PCDHA10: variants seen among roughly 807,000 people sequenced by gnomAD.
PCDHA10 encodes the protein protocadherin alpha-10.
A neutral mutation model predicts 61.2 loss-of-function variants in PCDHA10; 45 were observed. That is an observed-to-expected ratio of 0.74 (90% CI 0.58 to 0.94). The LOEUF is 0.94. PCDHA10 is among the 40% of genes least tolerant of loss of function. The pLI, the probability that PCDHA10 is intolerant of heterozygous loss-of-function variation, is 0.00. For missense variants in PCDHA10, 1,278 were observed against 1,236.2 expected (o/e 1.03, Z -0.51); for synonymous variants, 602 against 548.8 (o/e 1.10, Z -1.35).
Position 140,952,580 on chromosome 5 carries a change from A to G in PCDHA10, c.2389-26369A>G, listed in dbSNP as rs538999222. ...ATCAGCACTTCGGTCCCAATCATTCAAGTAGTCTCTAGGAAGTTCTAAGCT... is the reference window on the plus strand; with the variant it reads ...ATCAGCACTTCGGTCCCAATCATTCGAGTAGTCTCTAGGAAGTTCTAAGCT... On this transcript the variant is annotated intron_variant, in intron 1 of 3. Transcript: ENST00000307360. Among the ~76,000 whole-genome samples the G allele has an allele frequency of 2.0e-4, 30 of 152,248 alleles. No homozygotes were observed. In the South Asian group the frequency reaches 2.3e-3, roughly 12 times the overall value.
At chr5:140,870,631 C>G (rs1554164498) in intron 1 of PCDHA10, 5 of 1,612,864 alleles carry the variant, frequency 3.1e-6, no homozygotes, top group Middle Eastern at 1.7e-4. Flanking sequence ...CGTGTCGGTG[C>G]ACGCGGAGAG....
intron 1 of PCDHA10, chr5:140,863,708 A>G: frequency 3.5e-6 from 1 of 284,690 alleles, no homozygotes; most frequent in Non-Finnish European, 6.9e-6. Flanking sequence ...TTTAAAGTAC[A>G]CTGGGGCCGG....
chr5:140,981,456 C>G (rs2096933076), intron 2 of PCDHA10, among the ~76,000 whole-genome samples: 1 of 152,054 alleles, frequency 6.6e-6, no homozygotes, highest in African/African-American at 2.4e-5. Flanking sequence ...TGCCTGTAGT[C>G]CCAGCTACTT....
intron 1 of PCDHA10, among the ~76,000 whole-genome samples, chr5:140,874,638 C>A (rs2055040349): frequency 6.6e-6 from 1 of 152,272 alleles, no homozygotes; most frequent in South Asian, 2.1e-4. Context: ...AAGTGCTTTA[C>A]TTTTGCTAGA....
intron 1 of PCDHA10, chr5:140,866,192 G>A (rs2049201997): frequency 6.6e-6 from 1 of 152,028 alleles, no homozygotes; most frequent in Non-Finnish European, 1.5e-5. Context: ...AGAAAACTGT[G>A]GTTTCCAATA....
intron 3 of PCDHA10, among the ~76,000 whole-genome samples, chr5:141,007,395 CAAAAAAA>C (rs35800918): frequency 2.2e-3 from 204 of 94,846 alleles, no homozygotes; most frequent in African/African-American, 7.3e-3. Flanking sequence ...TACTAAAATA[CAAAAAAA>C]AAAAAAAAAA....
intron 2 of PCDHA10, among the ~76,000 whole-genome samples, chr5:140,980,956 C>T (rs2096912703): frequency 6.6e-6 from 1 of 152,110 alleles, no homozygotes; most frequent in Non-Finnish European, 1.5e-5. Flanking sequence ...AGGATAGTTA[C>T]ACCTTCATGA....
chr5:140,878,938 A>G (rs1413471911), intron 1 of PCDHA10, among the ~76,000 whole-genome samples: 1 of 152,226 alleles, frequency 6.6e-6, no homozygotes, highest in African/African-American at 2.4e-5. Flanking sequence ...TTTTAAATAA[A>G]TATATGGTAT....
chr5:140,857,599 C>T lies in PCDHA10; in HGVS notation c.1551C>T (p.Tyr517=), dbSNP rs2044712961. ...TGCACGCGGAGAGCGGCAAGGTGTA[C>T]GCGCTGCAGCCGCTGGACCACGAGG... ...VSVHAESGKV[Y]ALQPLDHEEL... The change falls in exon 1 of 4, where the codon TAC becomes TAT. Residue 517 remains tyrosine (Y), a synonymous_variant. Coordinates refer to ENST00000307360, the MANE Select transcript of PCDHA10 (RefSeq NM_018901.4). The T allele has an allele frequency of 6.3e-7, 1 of 1,596,308 alleles. No homozygotes were observed. The highest frequency in any genetic ancestry group is 8.6e-7 in the Non-Finnish European group (1 of 1,167,688).
At chr5:140,866,126 G>T (rs1435544560) in intron 1 of PCDHA10, 2 of 152,108 alleles carry the variant, frequency 1.3e-5, no homozygotes, top group African/African-American at 4.8e-5. Context: ...TAAGAACTAC[G>T]TATCTGTTGT....
intron 1 of PCDHA10, chr5:140,969,215 C>G (rs782320507): frequency 6.2e-7 from 1 of 1,614,128 alleles, no homozygotes; most frequent in South Asian, 1.1e-5. Flanking sequence ...CCAGACAGGA[C>G]CAGGGCCTTC....
intron 1 of PCDHA10, among the ~76,000 whole-genome samples, chr5:140,917,334 G>A (rs1466426021): frequency 1.4e-5 from 2 of 147,744 alleles, no homozygotes; most frequent in Admixed American, 1.4e-4. Flanking sequence ...CGGGGGAGGG[G>A]GGGGATGGTG....
At chr5:140,863,810 C>T (rs1554158466) in intron 1 of PCDHA10, 8 of 203,770 alleles carry the variant, frequency 3.9e-5, no homozygotes, top group South Asian at 2.6e-4. Context: ...ACCAGCCTGG[C>T]CAACATGGTG....
At chr5:140,987,722 T>C (rs2097265966) in intron 3 of PCDHA10, among the ~76,000 whole-genome samples, 1 of 152,204 alleles carries the variant, frequency 6.6e-6, no homozygotes, top group Admixed American at 6.5e-5. Context: ...GAGTCTATCC[T>C]ACAGCTTCAA....
intron 1 of PCDHA10, chr5:140,883,780 G>C (rs903874944): frequency 1.2e-6 from 2 of 1,612,370 alleles, no homozygotes; most frequent in Admixed American, 1.7e-5. Flanking sequence ...AGCGTGCGCT[G>C]TCGAGCTACG....
intron 3 of PCDHA10, among the ~76,000 whole-genome samples, chr5:141,007,772 G>T (rs1384054820): frequency 6.6e-6 from 1 of 152,122 alleles, no homozygotes; most frequent in Non-Finnish European, 1.5e-5. Context: ...GCCTGGAAAT[G>T]GTACTGCTTT....
At position 140,858,411 on chromosome 5, in the gene PCDHA10, CTAT is replaced by C. The variant is rs782056031; in HGVS notation, c.2365_2367del (p.Ile789del). ...GTAGATGTGGACGGGGAAGATCAGT[CTAT>C]TGGAGGGGACCACTCTAGGAAGGTG... On this transcript the variant is annotated inframe_deletion, in exon 1 of 4. Transcript: ENST00000307360. 6.4e-7 allele frequency: 1 copy of C among 1,564,168 alleles called. No individual in the cohort carries two copies.
intron 1 of PCDHA10, among the ~76,000 whole-genome samples, chr5:140,969,836 T>C (rs1349045341): frequency 6.6e-6 from 1 of 152,224 alleles, no homozygotes; most frequent in Non-Finnish European, 1.5e-5. Flanking sequence ...ACAGTGGAAA[T>C]TATCTAGTTA....
chr5:140,958,077 A>G (rs2095408004), intron 1 of PCDHA10, among the ~76,000 whole-genome samples: 2 of 152,124 alleles, frequency 1.3e-5, no homozygotes, highest in South Asian at 4.1e-4. Flanking sequence ...AGAAGCAAAA[A>G]GTAAAGTTGT....
Sources: allele counts gnomAD v4.1 joint callset (sites outside exome capture counted in the v4.1 genomes callset), GRCh38; gene constraint gnomAD v4.1.1; transcripts MANE v1.5; gene names NCBI Gene and HGNC (gene_info 2026-07-23, HGNC 2026-07-21).